The following APBB2 variants were observed in gnomAD, a reference collection of about 807,000 sequenced individuals.
APBB2 encodes the protein Fe65-like 1.
In APBB2, 38 loss-of-function variants were observed where a neutral mutation model predicts 82.5. That is an observed-to-expected ratio of 0.46 (90% CI 0.36 to 0.60). The LOEUF is 0.60. Among genes scored for constraint, APBB2 ranks in the 20% least tolerant of loss-of-function variants. APBB2 has a pLI of 0.00. For missense variants in APBB2, 772 were observed against 972.3 expected (o/e 0.79, Z 2.74); for synonymous variants, 341 against 368.2 (o/e 0.93, Z 0.85).
intron 2 of APBB2, among the ~76,000 whole-genome samples, chr4:41,121,485 C>T (rs867350660): frequency 2.6e-5 from 4 of 152,228 alleles, no homozygotes; most frequent in Non-Finnish European, 5.9e-5. Flanking sequence ...CTCATGCGTG[C>T]GCATCTGTGG....
chr4:41,117,225 C>T (rs546451580), intron 2 of APBB2, among the ~76,000 whole-genome samples: 5 of 151,706 alleles, frequency 3.3e-5, no homozygotes, highest in Admixed American at 1.3e-4. Flanking sequence ...TGGAAACTCT[C>T]ATATGTGTTC....
In APBB2 at chr4:40,934,741, A is replaced by C. The variant is rs566097803; in HGVS notation, c.1108-42T>G. 11 of 1,400,650 alleles carry C rather than the reference A, an allele frequency of 7.9e-6. 1 individual carries two copies. The South Asian group carries it at 1.1e-4, about 13-fold the overall frequency. 86.8% of individuals were successfully genotyped at this position (1,400,650 alleles called of 1,614,324 possible). A position where few individuals can be genotyped will look rare whatever the true frequency, so the allele number is the denominator to read the frequency against. On this transcript the variant is annotated intron_variant, in intron 8 of 17. Transcript: ENST00000508593. ...CCTTGTTAATGTACAATGGGGGAGA[A>C]GACCATTCATTGCCTCAAATATCAA...
intron 1 of APBB2, among the ~76,000 whole-genome samples, chr4:41,197,614 GT>G: frequency 6.6e-6 from 1 of 152,102 alleles, no homozygotes; most frequent in Non-Finnish European, 1.5e-5. Context: ...GGTGTCTGCT[GT>G]ACCTGCCAAC....
intron 11 of APBB2, chr4:40,893,050 G>GCT (rs1470694958): frequency 4.6e-6 from 2 of 434,092 alleles, no homozygotes; most frequent in Admixed American, 4.4e-5. Flanking sequence ...ACTGAGAAAC[G>GCT]CTCTCTCTCC....
chr4:41,116,769 GTTCTT>G (rs1311184945), intron 2 of APBB2, among the ~76,000 whole-genome samples: 3 of 152,128 alleles, frequency 2.0e-5, no homozygotes, highest in African/African-American at 4.8e-5. Context: ...TCATTGTACT[GTTCTT>G]TTTTCTATAC....
At chr4:41,115,111 G>A (rs1001591304) in intron 2 of APBB2, among the ~76,000 whole-genome samples, 25 of 152,140 alleles carry the variant, frequency 1.6e-4, no homozygotes, top group African/African-American at 5.6e-4. Context: ...CATGGTACTG[G>A]TACTAAAACA....
chr4:41,141,382 G>T (rs1759163358), intron 2 of APBB2, among the ~76,000 whole-genome samples: 1 of 152,120 alleles, frequency 6.6e-6, no homozygotes, highest in Non-Finnish European at 1.5e-5. Flanking sequence ...ATGTGTGCGT[G>T]TGCATGTGTG....
rs751118287 is a variant in APBB2 at position 40,882,302 on chromosome 4, C to T, written c.1529+8062G>A. 1.2e-3 allele frequency among the ~76,000 whole-genome samples: 190 copies of T among 152,258 alleles called. 1 individual carries two copies. Among genetic ancestry groups the T allele is most frequent in the Non-Finnish European group, 2.0e-3 (137 of 68,028 alleles). ...CAATAATTAAAACATAGAAGCTTCA[C>T]GGAGGAGCCTCCTGGAGCAAAACCT... On this transcript the variant is annotated intron_variant, in intron 12 of 17. Coordinates refer to ENST00000508593, the MANE Select transcript of APBB2 (RefSeq NM_004307.2).
At chr4:41,027,364 C>T (rs1268058055) in intron 5 of APBB2, among the ~76,000 whole-genome samples, 10 of 127,388 alleles carry the variant, frequency 7.9e-5, no homozygotes, top group African/African-American at 1.2e-4. Flanking sequence ...CATATTGTTA[C>T]ATATATATAT....
At chr4:41,194,690 A>C in intron 1 of APBB2, among the ~76,000 whole-genome samples, 1 of 150,400 alleles carries the variant, frequency 6.6e-6, no homozygotes, top group Non-Finnish European at 1.5e-5. Flanking sequence ...TAAAATAAAT[A>C]CACACATCTG....
chr4:41,013,031 C>T (rs1808836330), intron 6 of APBB2, among the ~76,000 whole-genome samples: 2 of 152,084 alleles, frequency 1.3e-5, no homozygotes, highest in African/African-American at 4.8e-5. Context: ...TACGATTTTC[C>T]CACTTTTAAA....
intron 6 of APBB2, among the ~76,000 whole-genome samples, chr4:41,012,842 T>C (rs1440904082): frequency 1.3e-5 from 2 of 152,178 alleles, no homozygotes; most frequent in East Asian, 1.9e-4. Context: ...ATCAGTATAG[T>C]GGGAGCTATA....
intron 12 of APBB2, among the ~76,000 whole-genome samples, chr4:40,863,196 A>G (rs1763197032): frequency 6.6e-6 from 1 of 152,220 alleles, no homozygotes; most frequent in Non-Finnish European, 1.5e-5. Context: ...TAAGCACTTA[A>G]TAATGAAGTA....
intron 6 of APBB2, among the ~76,000 whole-genome samples, chr4:40,959,015 T>C (rs1156615070): frequency 6.6e-6 from 1 of 152,194 alleles, no homozygotes; most frequent in Non-Finnish European, 1.5e-5. Context: ...ACCCACCTAA[T>C]GAGTGACAGC....
At chr4:40,830,769 T>C (rs1197838399) in intron 12 of APBB2, among the ~76,000 whole-genome samples, 192 bp from the exon 13 acceptor site, 1 of 152,088 alleles carries the variant, frequency 6.6e-6, no homozygotes, top group Non-Finnish European at 1.5e-5. Flanking sequence ...CATTTCTGAG[T>C]AAAATACCTA....
intron 1 of APBB2, among the ~76,000 whole-genome samples, chr4:41,184,160 G>C (rs937649058): frequency 1.3e-5 from 2 of 152,106 alleles, no homozygotes; most frequent in Non-Finnish European, 2.9e-5. Context: ...AGCTCAGGTG[G>C]TAATGAGAGC....
chr4:41,177,338 A>G (rs1321709026), intron 1 of APBB2, among the ~76,000 whole-genome samples: 1 of 152,212 alleles, frequency 6.6e-6, no homozygotes, highest in East Asian at 1.9e-4. Context: ...GTTATGAAAC[A>G]AAGGGAAAAA....
intron 10 of APBB2, among the ~76,000 whole-genome samples, chr4:40,914,501 G>A (rs1209176601): frequency 2.6e-5 from 4 of 152,162 alleles, no homozygotes; most frequent in South Asian, 4.1e-4. Flanking sequence ...GCAGTGAGCC[G>A]ACATCGCGCC....
At chr4:41,046,399 C>T (rs981613261) in intron 4 of APBB2, among the ~76,000 whole-genome samples, 2 of 151,456 alleles carry the variant, frequency 1.3e-5, no homozygotes, top group African/African-American at 2.4e-5. Flanking sequence ...AACATCTCTT[C>T]GTAAAATCTA....
Sources: allele counts gnomAD v4.1 joint callset (sites outside exome capture counted in the v4.1 genomes callset), GRCh38; gene constraint gnomAD v4.1.1; transcripts MANE v1.5; gene names NCBI Gene and HGNC (gene_info 2026-07-23, HGNC 2026-07-21).